Variants in MYH15 observed in about 807,000 individuals in gnomAD.
The protein encoded by MYH15 is myosin heavy chain 15.
MYH15 carries 227 observed loss-of-function variants against 240.5 expected under a neutral mutation model. The ratio of observed to expected loss-of-function variants is 0.94; its 90% CI spans 0.85 to 1.05. The LOEUF is 1.05. MYH15 is among the 50% of genes least tolerant of loss of function. The pLI is 0.00. For missense variants in MYH15, 2,217 were observed against 2,247.5 expected (o/e 0.99, Z 0.27); for synonymous variants, 785 against 796.7 (o/e 0.99, Z 0.25).
rs950727508 is a variant in MYH15 at position 108,505,942 on chromosome 3, G to A, written c.89-113C>T. ...CTCATTTCTGCTAAATCAGCTTGTTGACTACAGGAACTTGCAAAGTCAGAT... is the reference window on the plus strand; with the variant it reads ...CTCATTTCTGCTAAATCAGCTTGTTAACTACAGGAACTTGCAAAGTCAGAT... On this transcript the variant is annotated intron_variant, in intron 1 of 40. Transcript: ENST00000693548. The A allele has an allele frequency of 7.8e-6, 5 of 643,248 alleles. No homozygotes were observed. The African/African-American group carries it at 9.4e-5, about 12-fold the overall frequency. 39.8% of individuals were successfully genotyped at this position (643,248 alleles called of 1,614,324 possible). A position where few individuals can be genotyped will look rare whatever the true frequency, so the allele number is the denominator to read the frequency against.
chr3:108,442,649 T>C (rs2107569950), intron 22 of MYH15, among the ~76,000 whole-genome samples: 1 of 152,218 alleles, frequency 6.6e-6, no homozygotes, highest in East Asian at 1.9e-4. Context: ...GGTGTGGCAG[T>C]TTAGCAGTAG....
chr3:108,396,693 GA>G (rs74627865), intron 35 of MYH15, among the ~76,000 whole-genome samples: 7,578 of 149,246 alleles, frequency 0.051, 268 homozygotes, highest in Non-Finnish European at 0.07. Flanking sequence ...TCTTGAAGGA[GA>G]AAAAAAAAAT....
Position 108,463,153 on chromosome 3 carries a change from G to A in MYH15, c.1822C>T (p.Leu608Phe). The A allele has an allele frequency of 6.2e-7, 1 of 1,612,612 alleles. No individual in the cohort carries two copies. The highest frequency in any genetic ancestry group is 8.5e-7 in the Non-Finnish European group (1 of 1,179,470). The change falls in exon 16 of 41, where the codon CTC becomes TTC. Residue 608 changes from leucine (L) to phenylalanine (F), a missense_variant. By Grantham distance (22) the Leu-to-Phe change is conservative (BLOSUM62 0). Transcript: ENST00000693548. Reference sequence around the variant, plus strand: ...TAATTTTCAAAAAGGCTCGCCAGGAGTCTGTTGGAAGACTTCTGAAATACA... The same window carrying A: ...TAATTTTCAAAAAGGCTCGCCAGGAATCTGTTGGAAGACTTCTGAAATACA... ...VAVFQKSSNR[L>F]LASLFENYMS...
intron 25 of MYH15, among the ~76,000 whole-genome samples, chr3:108,434,407 C>G (rs922037711): frequency 1.3e-5 from 2 of 151,840 alleles, no homozygotes; most frequent in Non-Finnish European, 2.9e-5. Flanking sequence ...GTCTCGAACT[C>G]CCAACCTCAG....
chr3:108,516,589 A>G (rs1005499176), intron 1 of MYH15, among the ~76,000 whole-genome samples: 1 of 152,184 alleles, frequency 6.6e-6, no homozygotes, highest in Non-Finnish European at 1.5e-5. Flanking sequence ...GCTGCTTCCT[A>G]GTATTCATGC....
intron 1 of MYH15, among the ~76,000 whole-genome samples, chr3:108,526,455 GTCAGTTCAGCTCATGA>G: frequency 6.6e-6 from 1 of 152,166 alleles, no homozygotes; most frequent in African/African-American, 2.4e-5. Context: ...CAGGTTTCCA[GTCAGTTCAGCTCATGA>G]TCTGTTTATT....
chr3:108,524,488 A>G (rs774623502), intron 1 of MYH15, among the ~76,000 whole-genome samples: 4 of 152,002 alleles, frequency 2.6e-5, no homozygotes, highest in Admixed American at 6.6e-5. Context: ...TTAATTTACC[A>G]AATCTATTAT....
intron 21 of MYH15, among the ~76,000 whole-genome samples, chr3:108,445,813 G>C (rs751158759): frequency 6.7e-6 from 1 of 149,736 alleles, no homozygotes; most frequent in Non-Finnish European, 1.5e-5. Context: ...TAGAAACAAT[G>C]AACCACTATG....
At chr3:108,482,846 A>T (rs1169423634) in intron 11 of MYH15, among the ~76,000 whole-genome samples, 1 of 152,116 alleles carries the variant, frequency 6.6e-6, no homozygotes, top group Non-Finnish European at 1.5e-5. Flanking sequence ...TTGTTCACGG[A>T]TGTATCCCTA....
intron 32 of MYH15, among the ~76,000 whole-genome samples, chr3:108,406,771 T>C (rs1261373624): frequency 6.6e-6 from 1 of 152,228 alleles, no homozygotes; most frequent in Non-Finnish European, 1.5e-5. Context: ...TGTTGCCATC[T>C]AGTGGTACTA....
chr3:108,550,615 G>A, the MYH15 span: 2 of 151,334 alleles, frequency 1.3e-5, no homozygotes, highest in African/African-American at 4.8e-5. Context: ...TTATGCTACA[G>A]CAGTATAAAA....
intron 1 of MYH15, among the ~76,000 whole-genome samples, chr3:108,528,075 G>A (rs760038909): frequency 5.3e-5 from 8 of 152,032 alleles, no homozygotes; most frequent in African/African-American, 1.7e-4. Flanking sequence ...CGTTAATGAG[G>A]GTGAAGCCCT....
the MYH15 span, among the ~76,000 whole-genome samples, chr3:108,539,964 C>A: frequency 1.3e-5 from 2 of 151,922 alleles, no homozygotes; most frequent in Admixed American, 1.3e-4. Context: ...AGAATAATAC[C>A]AAGCCCTGAC....
chr3:108,545,793 A>AC, the MYH15 span, among the ~76,000 whole-genome samples: 1 of 151,968 alleles, frequency 6.6e-6, no homozygotes, highest in Non-Finnish European at 1.5e-5. Flanking sequence ...CACTTAACAC[A>AC]CCAAAAATCT....
intron 25 of MYH15, among the ~76,000 whole-genome samples, chr3:108,432,057 G>GT (rs71629357): frequency 1.3e-5 from 2 of 151,752 alleles, no homozygotes; most frequent in Non-Finnish European, 2.9e-5. Flanking sequence ...AATGCATTCA[G>GT]TTTTGTTTTG....
Position 108,497,997 on chromosome 3 carries a change from T to C in MYH15, c.618+55A>G, listed in dbSNP as rs905457987. Reference sequence around the variant, plus strand: ...AAAAGTGGTCCGGACACAACCTCCATGATCCAGTGGATAGGGCCACCTCAT... The same window carrying C: ...AAAAGTGGTCCGGACACAACCTCCACGATCCAGTGGATAGGGCCACCTCAT... On this transcript the variant is annotated intron_variant, in intron 6 of 40. Coordinates refer to ENST00000693548, the MANE Select transcript of MYH15 (RefSeq NM_014981.3). 3 of 1,492,548 alleles carry C rather than the reference T, an allele frequency of 2.0e-6. No individual in the cohort carries two copies. The African/African-American group carries it at 4.1e-5, about 21-fold the overall frequency. The allele number at this position is 1,492,548 out of a possible 1,614,324, so 92.5% of individuals were successfully genotyped here. A position where few individuals can be genotyped will look rare whatever the true frequency, so the allele number is the denominator to read the frequency against.
At chr3:108,484,652 G>C (rs2083291838) in intron 11 of MYH15, among the ~76,000 whole-genome samples, 1 of 151,908 alleles carries the variant, frequency 6.6e-6, no homozygotes, top group South Asian at 2.1e-4. Context: ...CCAATTTTTT[G>C]TATTTTTAGT....
upstream of MYH15, among the ~76,000 whole-genome samples, chr3:108,529,779 G>A (rs961827665): frequency 1.3e-5 from 2 of 152,192 alleles, no homozygotes; most frequent in Non-Finnish European, 2.9e-5. Context: ...GACTGCCTCA[G>A]CTTGAAGAGT....
chr3:108,485,052 G>T, intron 11 of MYH15, 39 bp downstream of exon 11: 2 of 1,605,176 alleles, frequency 1.2e-6, no homozygotes, highest in Non-Finnish European at 1.7e-6. Flanking sequence ...TGGGCCCAGA[G>T]ATTTGAAGTA....
Sources: gnomAD v4.1 joint callset for allele counts (sites outside exome capture counted in the v4.1 genomes callset) on GRCh38, gnomAD v4.1.1 for gene constraint, MANE v1.5 for transcripts, NCBI Gene and HGNC (gene_info 2026-07-23, HGNC 2026-07-21) for gene names.